EPS15: variants seen among roughly 807,000 people sequenced by gnomAD.
The protein encoded by EPS15 is epidermal growth factor receptor substrate 15.
EPS15 carries 72 observed loss-of-function variants against 113.8 expected under a neutral mutation model. The ratio of observed to expected loss-of-function variants is 0.63; its 90% CI spans 0.52 to 0.77. The LOEUF is 0.77. Among genes scored for constraint, EPS15 ranks in the 30% least tolerant of loss-of-function variants. The probability of loss-of-function intolerance (pLI) is 0.00; values close to 1 mark genes in which losing one functional copy is unlikely to be tolerated. For synonymous variants in EPS15, 344 were observed against 363.4 expected (o/e 0.95, Z 0.61); for missense variants, 1,048 against 1,045.8 (o/e 1.00, Z -0.03).
chr1:51,376,878 T>C (rs962320054), intron 21 of EPS15, among the ~76,000 whole-genome samples: 1 of 152,214 alleles, frequency 6.6e-6, no homozygotes, highest in Non-Finnish European at 1.5e-5. Context: ...TATAAGGCTA[T>C]AGCTGCCATA....
At chr1:51,434,348 AATT>A (rs1225615389) in intron 12 of EPS15, among the ~76,000 whole-genome samples, 1 of 152,222 alleles carries the variant, frequency 6.6e-6, no homozygotes, top group African/African-American at 2.4e-5. Context: ...AGTACAATGG[AATT>A]ATTATTCAGC....
chr1:51,358,720 T>G (rs940029590), intron 24 of EPS15, among the ~76,000 whole-genome samples: 4 of 149,762 alleles, frequency 2.7e-5, no homozygotes, highest in Admixed American at 2.6e-4. Flanking sequence ...TTTTTTTTTT[T>G]TTTTTTGAGG....
chr1:51,508,393 T>G (rs1644561815), intron 1 of EPS15, among the ~76,000 whole-genome samples: 1 of 120,056 alleles, frequency 8.3e-6, no homozygotes, highest in Non-Finnish European at 1.9e-5. Flanking sequence ...AGAGAAAATT[T>G]AAACAAATAC....
intron 12 of EPS15, among the ~76,000 whole-genome samples, chr1:51,430,172 A>G (rs543003705): frequency 2.0e-5 from 3 of 152,216 alleles, no homozygotes; most frequent in Non-Finnish European, 4.4e-5. Context: ...GAACTGTCAG[A>G]AGCCTTGAGC....
At chr1:51,465,458 C>T (rs1654780695) in intron 5 of EPS15, 132 bp from the exon 6 acceptor site, 3 of 529,636 alleles carry the variant, frequency 5.7e-6, no homozygotes, top group Admixed American at 3.5e-5. Context: ...CACTATTTTA[C>T]ATTTACTAGA....
In EPS15 at chr1:51,361,285, T is replaced by C; in HGVS notation, c.2430A>G (p.Pro810=). ...FKLNDPFQPF[P]GNDSPKEKDP... is the part of the protein sequence containing the mutation. Reference sequence around the variant, plus strand: ...CTTTTTCTTTGGGGCTATCGTTGCCTGGGAAAGGCTGAAATGGATCATTCA... The same window carrying C: ...CTTTTTCTTTGGGGCTATCGTTGCCCGGGAAAGGCTGAAATGGATCATTCA... The change falls in exon 24 of 25, where the codon CCA becomes CCG. Residue 810 remains proline, a synonymous_variant. Coordinates refer to ENST00000371733, the MANE Select transcript of EPS15 (RefSeq NM_001981.3). 6.2e-7 allele frequency: 1 copy of C among 1,613,870 alleles called. No individual in the cohort carries two copies. The highest frequency in any genetic ancestry group is 8.5e-7 in the Non-Finnish European group (1 of 1,179,784).
chr1:51,443,778 G>A (rs774411821), intron 11 of EPS15, among the ~76,000 whole-genome samples: 5 of 151,398 alleles, frequency 3.3e-5, no homozygotes, highest in Non-Finnish European at 7.4e-5. Flanking sequence ...TCAGCCTCCC[G>A]AGTAGCTAGA....
chr1:51,445,189 A>G, intron 10 of EPS15, 144 bp from the exon 11 acceptor site: 1 of 727,318 alleles, frequency 1.4e-6, no homozygotes, highest in Non-Finnish European at 2.2e-6. Flanking sequence ...TTAAAAACTC[A>G]CTCAACTGTT....
intron 1 of EPS15, among the ~76,000 whole-genome samples, chr1:51,490,561 T>C (rs1644213794): frequency 1.2e-5 from 1 of 80,452 alleles, no homozygotes; most frequent in African/African-American, 5.4e-5. Context: ...CGAGACTCCA[T>C]CTCAAAAAAA....
At position 51,461,207 on chromosome 1, in the gene EPS15, G is replaced by A. The variant is rs548262545; in HGVS notation, c.502-57C>T. On this transcript the variant is annotated intron_variant, in intron 7 of 24. Transcript: ENST00000371733. The stretch of plus-strand genomic sequence containing the variant: ...TGTTCTTTCAGTTCATGTTCTACTC[G>A]AGGGCAAGAAAAGAAAGTTTATGAG... 67 of 1,286,620 alleles carry A rather than the reference G, an allele frequency of 5.2e-5. 4 individuals are homozygous for A. The highest frequency in any genetic ancestry group is 5.0e-4 in the South Asian group (42 of 83,518). 79.7% of individuals were successfully genotyped at this position (1,286,620 alleles called of 1,614,324 possible). A position where few individuals can be genotyped will look rare whatever the true frequency, so the allele number is the denominator to read the frequency against.
intron 21 of EPS15, among the ~76,000 whole-genome samples, chr1:51,384,482 TGTAGAGAC>T (rs1398889380): frequency 6.6e-6 from 1 of 151,812 alleles, no homozygotes; most frequent in Non-Finnish European, 1.5e-5. Flanking sequence ...TGCATTTTTT[TGTAGAGAC>T]AGAGTCTCAC....
At chr1:51,378,684 T>C (rs1205804840) in intron 21 of EPS15, among the ~76,000 whole-genome samples, 1 of 152,194 alleles carries the variant, frequency 6.6e-6, no homozygotes, top group African/African-American at 2.4e-5. Context: ...CGAATACATA[T>C]AATTAACGAG....
intron 12 of EPS15, among the ~76,000 whole-genome samples, chr1:51,432,298 T>C (rs1226051181): frequency 1.4e-4 from 20 of 145,884 alleles, no homozygotes; most frequent in African/African-American, 5.1e-4. Context: ...GCCACATAGA[T>C]TATGTATGTA....
intron 1 of EPS15, among the ~76,000 whole-genome samples, chr1:51,495,867 G>A (rs1337041300): frequency 1.3e-5 from 2 of 152,060 alleles, no homozygotes; most frequent in Admixed American, 6.6e-5. Context: ...AAATAAACAT[G>A]CCAATATTTA....
chr1:51,401,397 A>C (rs1339583528), intron 18 of EPS15, among the ~76,000 whole-genome samples: 3 of 152,214 alleles, frequency 2.0e-5, no homozygotes. Context: ...TTTTCAACAA[A>C]TGGTGTTAGG....
intron 24 of EPS15, 117 bp from the exon 25 acceptor site, chr1:51,356,963 C>T: frequency 1.4e-6 from 1 of 739,020 alleles, no homozygotes; most frequent in Non-Finnish European, 2.1e-6. Flanking sequence ...AGTCTGGTTA[C>T]TTGTTAATTC....
At chr1:51,377,742 T>C (rs918531516) in intron 21 of EPS15, among the ~76,000 whole-genome samples, 58 of 152,312 alleles carry the variant, frequency 3.8e-4, no homozygotes, top group African/African-American at 1.4e-3. Context: ...AGTCAATTGA[T>C]GTGACAAACT....
chr1:51,390,659 T>C (rs900783735), intron 21 of EPS15, among the ~76,000 whole-genome samples: 6 of 150,988 alleles, frequency 4.0e-5, no homozygotes, highest in Non-Finnish European at 8.8e-5. Context: ...ATGAAGGATA[T>C]GAACAGACAC....
At chr1:51,368,131 CA>C (rs1359377946) in intron 21 of EPS15, among the ~76,000 whole-genome samples, 1 of 151,282 alleles carries the variant, frequency 6.6e-6, no homozygotes, top group Non-Finnish European at 1.5e-5. Context: ...GACTCCGTCT[CA>C]AAAAAAATAA....
Sources: allele counts gnomAD v4.1 joint callset (sites outside exome capture counted in the v4.1 genomes callset), GRCh38; gene constraint gnomAD v4.1.1; transcripts MANE v1.5; gene names NCBI Gene and HGNC (gene_info 2026-07-23, HGNC 2026-07-21).